Variants in PDK1 observed in about 807,000 individuals in gnomAD.
PDK1 encodes pyruvate dehydrogenase kinase 1, also known as [Pyruvate dehydrogenase (acetyl-transferring)] kinase isozyme 1, mitochondrial.
In PDK1, 39 loss-of-function variants were observed where a neutral mutation model predicts 54.2. The ratio of observed to expected loss-of-function variants is 0.72; its 90% confidence interval spans 0.56 to 0.94. The LOEUF is 0.94. Ranked by LOEUF, PDK1 falls within the 40% of genes least tolerant of loss-of-function variation. The probability of loss-of-function intolerance (pLI) is 0.00; values close to 1 mark genes in which losing one functional copy is unlikely to be tolerated. For synonymous variants in PDK1, 221 were observed against 207.1 expected, an observed-to-expected ratio of 1.07 and a Z score of -0.58; for missense variants, 552 against 566.0, an observed-to-expected ratio of 0.98 and a Z score of 0.25.
the PDK1 span, among the ~76,000 whole-genome samples, chr2:172,704,601 C>A: frequency 6.6e-6 from 1 of 152,116 alleles, no homozygotes; most frequent in African/African-American, 2.4e-5. Context: ...CTCTTGAGCC[C>A]ACATCCAAAG....
At chr2:172,595,802 A>C (rs755767333) in intron 10 of PDK1, 27 bp from the exon 11 acceptor site, 6 of 1,596,948 alleles carry the variant, frequency 3.8e-6, no homozygotes, top group Non-Finnish European at 3.4e-6. Context: ...TGCCAGACTT[A>C]ATAGGTCTTA....
At chr2:172,715,587 T>C in the PDK1 span, among the ~76,000 whole-genome samples, 1 of 152,196 alleles carries the variant, frequency 6.6e-6, no homozygotes, top group African/African-American at 2.4e-5. Context: ...TGAGTTGTTA[T>C]GTGACAACTG....
the PDK1 span, among the ~76,000 whole-genome samples, chr2:172,710,776 T>C: frequency 6.6e-6 from 1 of 152,232 alleles, no homozygotes; most frequent in African/African-American, 2.4e-5. Context: ...TCTTTTCAGC[T>C]CTACCCCTTT....
the PDK1 span, among the ~76,000 whole-genome samples, chr2:172,628,269 C>T: frequency 6.6e-6 from 1 of 152,236 alleles, no homozygotes. Flanking sequence ...CCTGAGCCTC[C>T]TTGCTTGGCG....
At chr2:172,588,676 C>T (rs1690397223) in intron 9 of PDK1, among the ~76,000 whole-genome samples, 1 of 152,166 alleles carries the variant, frequency 6.6e-6, no homozygotes, top group Non-Finnish European at 1.5e-5. Context: ...TAGATGGTCC[C>T]AGTCAGCAGG....
chr2:172,700,874 A>G, the PDK1 span, among the ~76,000 whole-genome samples: 32 of 152,264 alleles, frequency 2.1e-4, 1 homozygote, highest in African/African-American at 7.7e-4. Flanking sequence ...ATGGCGGCGC[A>G]CGCCTGCAAT....
chr2:172,610,951 T>TA (rs1232612893), downstream of PDK1, among the ~76,000 whole-genome samples: 2 of 152,226 alleles, frequency 1.3e-5, no homozygotes, highest in Admixed American at 6.5e-5. Context: ...CTAATTTGAT[T>TA]AATACAGCTG....
intron 8 of PDK1, among the ~76,000 whole-genome samples, chr2:172,580,140 C>T (rs550330711): frequency 1.1e-4 from 17 of 151,694 alleles, no homozygotes; most frequent in Admixed American, 5.9e-4. Context: ...TCCTTTTGTC[C>T]GTTTCTCTCT....
chr2:172,648,770 C>T, the PDK1 span, among the ~76,000 whole-genome samples: 3 of 152,208 alleles, frequency 2.0e-5, no homozygotes, highest in Non-Finnish European at 4.4e-5. Context: ...TACAAGGCCA[C>T]AGCGAGGCTG....
chr2:172,636,442 G>A, the PDK1 span, among the ~76,000 whole-genome samples: 12 of 152,174 alleles, frequency 7.9e-5, no homozygotes, highest in Non-Finnish European at 1.0e-4. Context: ...GAACTCAGCC[G>A]GGCGCGATGG....
chr2:172,702,673 T>C, the PDK1 span, among the ~76,000 whole-genome samples: 1 of 151,412 alleles, frequency 6.6e-6, no homozygotes, highest in East Asian at 1.9e-4. Flanking sequence ...TGGGCTCATC[T>C]CTCTAGGTTT....
At chr2:172,623,984 T>A in the PDK1 span, among the ~76,000 whole-genome samples, 2 of 152,174 alleles carry the variant, frequency 1.3e-5, no homozygotes, top group Admixed American at 6.5e-5. Context: ...TTTTTGCAGC[T>A]ACTTACCCCT....
At chr2:172,565,827 T>C (rs1688909774) in intron 5 of PDK1, among the ~76,000 whole-genome samples, 1 of 152,258 alleles carries the variant, frequency 6.6e-6, no homozygotes, top group African/African-American at 2.4e-5. Context: ...TGCTGTTCAG[T>C]ACATCTGGAT....
chr2:172,657,559 A>G, the PDK1 span, among the ~76,000 whole-genome samples: 4 of 152,112 alleles, frequency 2.6e-5, no homozygotes, highest in East Asian at 7.7e-4. Context: ...TCTTCCAATT[A>G]CTGAAGGAGT....
At chr2:172,556,370 G>A in intron 1 of PDK1, 24 bp downstream of exon 1, 1 of 1,393,530 alleles carries the variant, frequency 7.2e-7, no homozygotes, top group South Asian at 1.7e-5. Flanking sequence ...GGGACCTTGG[G>A]CCTTTTTGCG....
At chr2:172,587,357 C>T (rs1049724615) in intron 9 of PDK1, among the ~76,000 whole-genome samples, 4 of 151,606 alleles carry the variant, frequency 2.6e-5, no homozygotes, top group South Asian at 2.1e-4. Context: ...AAAGGCAGGG[C>T]GTCTGGAGTT....
At chr2:172,576,178 A>G (rs936049648) in intron 8 of PDK1, among the ~76,000 whole-genome samples, 3 of 152,234 alleles carry the variant, frequency 2.0e-5, no homozygotes, top group Non-Finnish European at 4.4e-5. Context: ...CACCTGCCTC[A>G]GCCTCCCAAA....
the PDK1 span, among the ~76,000 whole-genome samples, chr2:172,695,759 G>T: frequency 2.6e-5 from 4 of 152,156 alleles, no homozygotes; most frequent in Non-Finnish European, 4.4e-5. Context: ...CTCTAGGAAT[G>T]ACAGGGGGCT....
At chr2:172,680,260 T>C in the PDK1 span, among the ~76,000 whole-genome samples, 1 of 152,238 alleles carries the variant, frequency 6.6e-6, no homozygotes, top group Admixed American at 6.5e-5. Flanking sequence ...TTGTTCATCA[T>C]TGAATGCCCT....
Sources: allele counts gnomAD v4.1 joint callset (sites outside exome capture counted in the v4.1 genomes callset), GRCh38; gene constraint gnomAD v4.1.1; transcripts MANE v1.5; gene names NCBI Gene and HGNC (gene_info 2026-07-23, HGNC 2026-07-21).